FLI1: variants seen among roughly 807,000 people sequenced by gnomAD.
FLI1 encodes the protein Fli-1 proto-oncogene, ETS transcription factor.
Under a neutral mutation model 53.1 loss-of-function variants are expected in FLI1, and 13 were observed. The observed-to-expected ratio is 0.24, with a 90% confidence interval of 0.16 to 0.39. The LOEUF is 0.39. Ranked by LOEUF, FLI1 falls within the 10% of genes least tolerant of loss-of-function variation. The pLI, the probability that FLI1 is intolerant of heterozygous loss-of-function variation, is 1.00. For synonymous variants in FLI1, 244 were observed against 236.7 expected (o/e 1.03, Z -0.28); for missense variants, 424 against 600.5 (o/e 0.71, Z 3.07).
At chr11:128,694,360 C>A in intron 1 of FLI1, 84 bp downstream of exon 1, 2 of 1,101,288 alleles carry the variant, frequency 1.8e-6, no homozygotes, top group Non-Finnish European at 2.4e-6. Context: ...GGCCCGCGTC[C>A]CGGAAGACGT....
At chr11:128,803,428 G>T (rs1591387871) in intron 5 of FLI1, among the ~76,000 whole-genome samples, 1 of 152,146 alleles carries the variant, frequency 6.6e-6, no homozygotes, top group East Asian at 1.9e-4. Flanking sequence ...TCCTCCCATG[G>T]CTGTCTCTAG....
chr11:128,685,407 G>C (rs1211267905), upstream of FLI1, among the ~76,000 whole-genome samples: 6 of 152,256 alleles, frequency 3.9e-5, no homozygotes, highest in Admixed American at 3.3e-4. Flanking sequence ...CTCTGGGGGC[G>C]ATGCAGGGTC....
At position 128,812,812 on chromosome 11, in the gene FLI1, T is replaced by A. The variant is rs1053036450; in HGVS notation, c.*1824T>A. 1.4e-4 allele frequency: 28 copies of A among 196,034 alleles called. 5 individuals carry two copies. The highest frequency in any genetic ancestry group is 3.7e-4 in the Admixed American group (6 of 16,194). The allele number at this position is 196,034 out of a possible 1,614,324, so 12.1% of individuals were successfully genotyped here. A position where few individuals can be genotyped will look rare whatever the true frequency, so the allele number is the denominator to read the frequency against. ...GAATAAGCGCCCTGCTTCCTTCAGGTCTCAGACCAGGACTTTATGGCTCAT... is the reference window on the plus strand; with the variant it reads ...GAATAAGCGCCCTGCTTCCTTCAGGACTCAGACCAGGACTTTATGGCTCAT... On this transcript the variant is annotated 3_prime_UTR_variant, in exon 9 of 9. Transcript: ENST00000527786.
At chr11:128,722,106 G>C (rs1939278424) in intron 1 of FLI1, among the ~76,000 whole-genome samples, 1 of 152,152 alleles carries the variant, frequency 6.6e-6, no homozygotes. Flanking sequence ...TGAAATCCTT[G>C]CCATGGGTTC....
chr11:128,770,087 G>C (rs1022853574), intron 3 of FLI1, among the ~76,000 whole-genome samples: 1 of 152,196 alleles, frequency 6.6e-6, no homozygotes, highest in Non-Finnish European at 1.5e-5. Context: ...CATTTTGGTC[G>C]TCATTTTGGG....
At chr11:128,701,463 C>T (rs146415156) in intron 1 of FLI1, among the ~76,000 whole-genome samples, 284 of 152,286 alleles carry the variant, frequency 1.9e-3, no homozygotes, top group African/African-American at 5.4e-3. Context: ...AAACCAAAAA[C>T]GCAGAGACTC....
At chr11:128,763,385 C>T (rs1441683968) in intron 2 of FLI1, among the ~76,000 whole-genome samples, 2 of 152,164 alleles carry the variant, frequency 1.3e-5, no homozygotes, top group Non-Finnish European at 2.9e-5. Context: ...GGTTCTGTGT[C>T]GCATGTAGAC....
At chr11:128,758,356 G>T in intron 2 of FLI1, 30 bp downstream of exon 2, 2 of 1,591,096 alleles carry the variant, frequency 1.3e-6, no homozygotes, top group Middle Eastern at 1.7e-4. Context: ...GCAGGATTGG[G>T]GGAAGGCACA....
intron 4 of FLI1, among the ~76,000 whole-genome samples, chr11:128,775,483 C>A (rs2135849943): frequency 6.6e-6 from 1 of 152,228 alleles, no homozygotes; most frequent in East Asian, 1.9e-4. Context: ...TTGGTGTCTA[C>A]CTTGGGGTTC....
At chr11:128,694,300 G>A (rs770487665) in intron 1 of FLI1, 24 bp downstream of exon 1, 6 of 1,348,284 alleles carry the variant, frequency 4.5e-6, no homozygotes, top group Non-Finnish European at 5.8e-6. Context: ...CAACGGACGC[G>A]GGCGGCGGGG....
At chr11:128,685,866 T>A (rs1009024024), upstream of FLI1, among the ~76,000 whole-genome samples, 1 of 152,074 alleles carries the variant, frequency 6.6e-6, no homozygotes. Flanking sequence ...GCCGCCAGAC[T>A]GGGCTAAGTC....
chr11:128,754,157 A>G lies in FLI1; in HGVS notation c.19-3958A>G, dbSNP rs186239293. On this transcript the variant is annotated intron_variant, in intron 1 of 8. Coordinates refer to ENST00000527786, the MANE Select transcript of FLI1 (RefSeq NM_002017.5). ...CATCTTCTCTCTCTTCACAGCCCCC[A>G]TGATCTATCTCTTCTTTTCTCTACA... 2.8e-4 allele frequency among the ~76,000 whole-genome samples: 43 copies of G among 151,876 alleles called. 1 individual carries two copies. The highest frequency in any genetic ancestry group is 9.2e-4 in the African/African-American group (38 of 41,350).
At chr11:128,720,972 C>T (rs1214568139) in intron 1 of FLI1, among the ~76,000 whole-genome samples, 2 of 152,230 alleles carry the variant, frequency 1.3e-5, no homozygotes, top group East Asian at 1.9e-4. Context: ...ACCCCCGGCC[C>T]TTCCCCCTCC....
chr11:128,780,056 T>C (rs1941860371), intron 4 of FLI1, among the ~76,000 whole-genome samples: 1 of 152,228 alleles, frequency 6.6e-6, no homozygotes, highest in Non-Finnish European at 1.5e-5. Context: ...GCCCAAAACA[T>C]CATTTTTTGG....
chr11:128,796,329 G>A (rs1942443658), intron 5 of FLI1, among the ~76,000 whole-genome samples: 1 of 152,224 alleles, frequency 6.6e-6, no homozygotes, highest in Non-Finnish European at 1.5e-5. Context: ...GGGCCTGTCT[G>A]CAAAATAATT....
chr11:128,686,026 T>C (rs1865796663), upstream of FLI1: 1 of 225,318 alleles, frequency 4.4e-6, no homozygotes, highest in Non-Finnish European at 9.2e-6. Flanking sequence ...AAAAACCTAT[T>C]TTCTAAGGGG....
rs1192505117 is a variant in FLI1 at position 128,811,127 on chromosome 11, T to A, written c.*139T>A. Reference sequence around the variant, plus strand: ...TCTTGTTGGATAGAACCTTTGTATTTGTTCTTTAAAAACATTTTTTTTAAT... The same window carrying A: ...TCTTGTTGGATAGAACCTTTGTATTAGTTCTTTAAAAACATTTTTTTTAAT... On this transcript the variant is annotated 3_prime_UTR_variant, in exon 9 of 9. Transcript: ENST00000527786. The A allele has an allele frequency of 1.2e-6, 1 of 839,808 alleles. No homozygotes were observed. Among genetic ancestry groups the A allele is most frequent in the East Asian group, 2.5e-5 (1 of 39,408 alleles). The allele number at this position is 839,808 out of a possible 1,614,324, so 52.0% of individuals were successfully genotyped here. A position where few individuals can be genotyped will look rare whatever the true frequency, so the allele number is the denominator to read the frequency against.
intron 4 of FLI1, among the ~76,000 whole-genome samples, chr11:128,775,146 G>A (rs1941692762): frequency 1.3e-5 from 2 of 152,154 alleles, no homozygotes; most frequent in South Asian, 4.2e-4. Flanking sequence ...GAAAATGCAG[G>A]GCAGATATCC....
At chr11:128,691,562 T>C (rs1440513280), upstream of FLI1, 4 of 152,134 alleles carry the variant, frequency 2.6e-5, no homozygotes, top group African/African-American at 4.8e-5. Context: ...TGCCTGTGTC[T>C]ATGCATCTAG....
Sources: allele counts gnomAD v4.1 joint callset (sites outside exome capture counted in the v4.1 genomes callset), GRCh38; gene constraint gnomAD v4.1.1; transcripts MANE v1.5; gene names NCBI Gene and HGNC (gene_info 2026-07-23, HGNC 2026-07-21).